The following MTMR10 variants were observed in gnomAD, a reference collection of about 807,000 sequenced individuals.
MTMR10 encodes myotubularin related protein 10.
MTMR10 carries 56 observed loss-of-function variants against 88.1 expected under a neutral mutation model. That is an observed-to-expected ratio of 0.64 (90% CI 0.51 to 0.79). The LOEUF is 0.79. Among genes scored for constraint, MTMR10 ranks in the 30% least tolerant of loss-of-function variants. MTMR10 has a pLI of 0.00. For missense variants in MTMR10, 883 were observed against 924.7 expected (o/e 0.95, Z 0.58); for synonymous variants, 380 against 340.9 (o/e 1.11, Z -1.26).
chr15:30,940,790 C>CAA lies in MTMR10; in HGVS notation c.*679_*680insTT. ...ATTTTAAAAAGTGAAATTATATTTTCTTCTGTAATATTTGTATCCTAAAGT... is the reference window on the plus strand; with the variant it reads ...ATTTTAAAAAGTGAAATTATATTTTCAATTCTGTAATATTTGTATCCTAAAGT... On this transcript the variant is annotated 3_prime_UTR_variant, in exon 16 of 16. Coordinates refer to ENST00000435680, the MANE Select transcript of MTMR10 (RefSeq NM_017762.3). 1 of 986,674 alleles carries CAA rather than the reference C, an allele frequency of 1.0e-6. No homozygotes were observed. The highest frequency in any genetic ancestry group is 1.2e-6 in the Non-Finnish European group (1 of 830,510). 61.1% of individuals were successfully genotyped at this position (986,674 alleles called of 1,614,324 possible).
At chr15:30,974,836 A>G in intron 4 of MTMR10, 95 bp downstream of exon 4, 1 of 882,260 alleles carries the variant, frequency 1.1e-6, no homozygotes, top group Non-Finnish European at 1.6e-6. Flanking sequence ...TTACAGAAAT[A>G]AAACGCCAAT....
the MTMR10 span, among the ~76,000 whole-genome samples, chr15:30,929,986 A>T: frequency 1.1e-4 from 14 of 127,178 alleles, no homozygotes; most frequent in African/African-American, 3.2e-4. Context: ...TATAATATAT[A>T]AGATATCATA....
Position 30,960,979 on chromosome 15 carries a change from G to GA in MTMR10, c.659dup (p.Phe221LeufsTer2). ...TGTCCCAATCCGAGTAAGTTTCAAA[G>GA]AGTGGAGTTTTCTGGCTGCTGCCAC... is the stretch of plus-strand genomic sequence containing the variant. On this transcript the variant is annotated frameshift_variant, in exon 7 of 16. Coordinates refer to ENST00000435680, the MANE Select transcript of MTMR10 (RefSeq NM_017762.3). LOFTEE classifies it high-confidence loss of function. 1.9e-6 allele frequency: 3 copies of GA among 1,600,898 alleles called. No individual in the cohort carries two copies. Among genetic ancestry groups the GA allele is most frequent in the Non-Finnish European group, 2.6e-6 (3 of 1,172,824 alleles).
downstream of MTMR10, among the ~76,000 whole-genome samples, chr15:30,938,607 A>G (rs2140975947): frequency 6.6e-6 from 1 of 152,148 alleles, no homozygotes; most frequent in South Asian, 2.1e-4. Flanking sequence ...TAGAAAGGTG[A>G]TTTATCCATG....
the MTMR10 span, chr15:30,922,377 T>C: frequency 6.3e-7 from 1 of 1,576,534 alleles, no homozygotes; most frequent in East Asian, 2.2e-5. Flanking sequence ...AAAACATATC[T>C]GAAACACCTT....
chr15:30,948,694 G>A, intron 12 of MTMR10: 1 of 569,440 alleles, frequency 1.8e-6, no homozygotes, highest in Non-Finnish European at 3.1e-6. Context: ...ATGGATATTT[G>A]CCAGATAATA....
At chr15:30,961,693 C>A (rs1595926223) in intron 6 of MTMR10, among the ~76,000 whole-genome samples, 1 of 152,138 alleles carries the variant, frequency 6.6e-6, no homozygotes. Context: ...TTGATCACGC[C>A]GGACCACTCT....
At chr15:30,951,650 C>A (rs1448931189) in intron 12 of MTMR10, among the ~76,000 whole-genome samples, 1 of 152,146 alleles carries the variant, frequency 6.6e-6, no homozygotes, top group Non-Finnish European at 1.5e-5. Flanking sequence ...CAGGCGCACA[C>A]CACCACTCCT....
intron 2 of MTMR10, among the ~76,000 whole-genome samples, chr15:30,983,188 T>C (rs2030707253): frequency 6.6e-6 from 1 of 152,180 alleles, no homozygotes. Context: ...TCAGCCACGG[T>C]GGGACCATTT....
At chr15:30,946,716 A>G in intron 14 of MTMR10, 2 of 702,918 alleles carry the variant, frequency 2.8e-6, no homozygotes, top group Non-Finnish European at 5.2e-6. Context: ...ATGAATTGTG[A>G]CCAGAAACTT....
intron 9 of MTMR10, among the ~76,000 whole-genome samples, chr15:30,957,535 C>T (rs1299615845): frequency 6.6e-6 from 1 of 152,094 alleles, no homozygotes; most frequent in African/African-American, 2.4e-5. Flanking sequence ...CCAGCCTGGC[C>T]GACATGGTGA....
At chr15:30,957,827 G>A (rs943017768) in intron 9 of MTMR10, among the ~76,000 whole-genome samples, 1 of 152,196 alleles carries the variant, frequency 6.6e-6, no homozygotes, top group African/African-American at 2.4e-5. Context: ...AAACACCAGG[G>A]AAAGTCCAGG....
Position 30,941,425 on chromosome 15 carries a change from A to G in MTMR10, c.*45T>C, listed in dbSNP as rs780608549. The G allele has an allele frequency of 1.3e-6, 2 of 1,568,020 alleles. No homozygotes were observed. Among genetic ancestry groups the G allele is most frequent in the Admixed American group, 1.9e-5 (1 of 52,704 alleles). On this transcript the variant is annotated 3_prime_UTR_variant, in exon 16 of 16. Coordinates refer to ENST00000435680, the MANE Select transcript of MTMR10 (RefSeq NM_017762.3). ...AGGTTAGCAATGTTAATTCAGAGGA[A>G]AAAAGTTGACAGCTTCCCTCAAAAT...
downstream of MTMR10, chr15:30,937,112 T>G (rs111839000): frequency 7.6e-4 from 1,218 of 1,604,730 alleles, 10 homozygotes; most frequent in African/African-American, 0.015. Context: ...AAAAATTTCT[T>G]TTCCAGCTGG....
chr15:30,936,789 A>G (rs2062866929), downstream of MTMR10, among the ~76,000 whole-genome samples: 1 of 152,240 alleles, frequency 6.6e-6, no homozygotes, highest in Non-Finnish European at 1.5e-5. Context: ...TGCAAACCGT[A>G]GAGTACTGGT....
chr15:30,960,981 G>C lies in MTMR10; in HGVS notation c.658C>G (p.Leu220Val), dbSNP rs765131649. 1 of 1,599,478 alleles carries C rather than the reference G, an allele frequency of 6.3e-7. No individual in the cohort carries two copies. The highest frequency in any genetic ancestry group is 1.1e-5 in the South Asian group (1 of 88,590). ...AGGGSSQKTP[L>V]FETYSDWDRE... The stretch of plus-strand genomic sequence containing the variant: ...TCCCAATCCGAGTAAGTTTCAAAGA[G>C]TGGAGTTTTCTGGCTGCTGCCACCA... The change falls in exon 7 of 16, where the codon CTC becomes GTC. Residue 220 changes from leucine (L) to valine (V), a missense_variant. By Grantham distance (32) the Leu-to-Val change is conservative (BLOSUM62 1). Coordinates refer to ENST00000435680, the MANE Select transcript of MTMR10 (RefSeq NM_017762.3).
intron 6 of MTMR10, among the ~76,000 whole-genome samples, chr15:30,962,490 C>A (rs922484858): frequency 1.3e-5 from 2 of 152,194 alleles, no homozygotes; most frequent in African/African-American, 4.8e-5. Flanking sequence ...TTTCAATAAG[C>A]TCATTTTCCA....
intron 7 of MTMR10, among the ~76,000 whole-genome samples, chr15:30,959,578 T>C (rs2949574): frequency 0.34 from 52,236 of 152,090 alleles, 10,347 homozygotes; most frequent in East Asian, 0.79. Flanking sequence ...GATCAGACAA[T>C]AATTACTAGT....
chr15:30,943,307 C>A, intron 14 of MTMR10: 5 of 985,318 alleles, frequency 5.1e-6, no homozygotes, highest in Non-Finnish European at 6.0e-6. Context: ...GCCTTAGGAC[C>A]CCAAGGAAGC....
Sources: allele counts gnomAD v4.1 joint callset (sites outside exome capture counted in the v4.1 genomes callset), GRCh38; gene constraint gnomAD v4.1.1; transcripts MANE v1.5; gene names NCBI Gene and HGNC (gene_info 2026-07-23, HGNC 2026-07-21).